The following RAB11FIP4 variants were observed in gnomAD, a reference collection of about 807,000 sequenced individuals.
RAB11FIP4 encodes rab11 family-interacting protein 4.
Under a neutral mutation model 74.3 loss-of-function variants are expected in RAB11FIP4, and 23 were observed. That is an observed-to-expected ratio of 0.31 (90% CI 0.22 to 0.44). The LOEUF (loss-of-function observed/expected upper bound fraction) is 0.44, where lower values mean the gene tolerates loss of function less well. Ranked by LOEUF, RAB11FIP4 falls within the 20% of genes least tolerant of loss-of-function variation. The probability of loss-of-function intolerance (pLI) is 1.00; values close to 1 mark genes in which losing one functional copy is unlikely to be tolerated. For synonymous variants in RAB11FIP4, 360 were observed against 359.9 expected (o/e 1.00, Z 0.00); for missense variants, 630 against 863.9 (o/e 0.73, Z 3.39).
At chr17:31,407,535 C>T (rs747129386) in intron 1 of RAB11FIP4, among the ~76,000 whole-genome samples, 3 of 152,176 alleles carry the variant, frequency 2.0e-5, no homozygotes, top group South Asian at 2.1e-4. Flanking sequence ...ATTAATTCAG[C>T]GATGTCATCT....
chr17:31,447,022 C>T (rs940455317), intron 3 of RAB11FIP4, among the ~76,000 whole-genome samples: 1 of 152,108 alleles, frequency 6.6e-6, no homozygotes, highest in Non-Finnish European at 1.5e-5. Context: ...CCGTGGCTCT[C>T]GCCTGTAATC....
At chr17:31,499,378 A>G (rs2072175683) in intron 3 of RAB11FIP4, among the ~76,000 whole-genome samples, 1 of 151,526 alleles carries the variant, frequency 6.6e-6, no homozygotes, top group African/African-American at 2.4e-5. Flanking sequence ...TTTTTTTTAG[A>G]TAGAGTTTCA....
At chr17:31,473,839 A>G (rs886288226) in intron 3 of RAB11FIP4, among the ~76,000 whole-genome samples, 1 of 152,208 alleles carries the variant, frequency 6.6e-6, no homozygotes, top group Non-Finnish European at 1.5e-5. Flanking sequence ...TCGTCTGCAC[A>G]CTGTGGTATG....
At chr17:31,393,057 G>A (rs749716755) in intron 1 of RAB11FIP4, among the ~76,000 whole-genome samples, 121 of 152,340 alleles carry the variant, frequency 7.9e-4, no homozygotes, top group Non-Finnish European at 1.4e-3. Context: ...GTGCCTCTGC[G>A]TCACCAGAGA....
At chr17:31,491,956 T>C (rs1271691178) in intron 3 of RAB11FIP4, among the ~76,000 whole-genome samples, 1 of 152,184 alleles carries the variant, frequency 6.6e-6, no homozygotes, top group Non-Finnish European at 1.5e-5. Context: ...CAGACTATGC[T>C]GTTGCCACCA....
intron 3 of RAB11FIP4, among the ~76,000 whole-genome samples, chr17:31,454,144 C>T (rs373120064): frequency 4.6e-5 from 7 of 152,288 alleles, no homozygotes; most frequent in East Asian, 1.9e-4. Flanking sequence ...CCACACCTGC[C>T]GAGCCAGAGG....
intron 1 of RAB11FIP4, among the ~76,000 whole-genome samples, chr17:31,394,280 A>C (rs2151611402): frequency 6.6e-6 from 1 of 152,330 alleles, no homozygotes; most frequent in African/African-American, 2.4e-5. Context: ...AGAAAATGAG[A>C]TCATACTGTG....
chr17:31,396,891 G>A (rs2070936563), intron 1 of RAB11FIP4, among the ~76,000 whole-genome samples: 1 of 152,156 alleles, frequency 6.6e-6, no homozygotes, highest in Admixed American at 6.5e-5. Flanking sequence ...CTGCCTGCTT[G>A]GAAATGAAAT....
intron 3 of RAB11FIP4, among the ~76,000 whole-genome samples, chr17:31,473,648 G>A (rs1240322774): frequency 2.6e-5 from 4 of 152,192 alleles, no homozygotes; most frequent in South Asian, 4.1e-4. Flanking sequence ...CGGTCAGCTC[G>A]GCCAGGCTGC....
At chr17:31,496,114 G>A (rs975239581) in intron 3 of RAB11FIP4, among the ~76,000 whole-genome samples, 1 of 152,228 alleles carries the variant, frequency 6.6e-6, no homozygotes, top group Non-Finnish European at 1.5e-5. Context: ...AACCTCTGGG[G>A]AACTTATATA....
intron 3 of RAB11FIP4, among the ~76,000 whole-genome samples, chr17:31,475,900 A>G (rs1323161772): frequency 6.6e-6 from 1 of 152,002 alleles, no homozygotes; most frequent in Non-Finnish European, 1.5e-5. Context: ...TGGAGAAAAT[A>G]ACGACTGAGT....
rs140699601 is a variant in RAB11FIP4 at position 31,525,246 on chromosome 17, G to T, written c.1274+16G>T. ...TCAATGCCAGGTGGGCCCCTCCACC[G>T]AGCCCCCTCCCTCAGAGGGACCCCC... is the stretch of plus-strand genomic sequence containing the variant. On this transcript the variant is annotated intron_variant, in intron 10 of 14. Coordinates refer to ENST00000621161, the MANE Select transcript of RAB11FIP4 (RefSeq NM_032932.6). 19 of 1,537,716 alleles carry T rather than the reference G, an allele frequency of 1.2e-5. No homozygotes were observed. Among genetic ancestry groups the T allele is most frequent in the Non-Finnish European group, 1.7e-5 (19 of 1,141,506 alleles).
intron 3 of RAB11FIP4, among the ~76,000 whole-genome samples, chr17:31,513,070 G>A (rs1449046472): frequency 6.6e-6 from 1 of 152,118 alleles, no homozygotes; most frequent in Non-Finnish European, 1.5e-5. Context: ...TGAGCGGGCA[G>A]CTCTCTGGGC....
rs540057474 is a variant in RAB11FIP4 at position 31,483,454 on chromosome 17, T to C, written c.337-34197T>C. Among the ~76,000 whole-genome samples the C allele has an allele frequency of 2.6e-5, 4 of 152,304 alleles. No homozygotes were observed. In the South Asian group the frequency reaches 8.3e-4, roughly 32 times the overall value. ...GGGGCTCATTCCCCTGTCTGGGAAA[T>C]GGTTATACTATACCAGTGATTTTAA... On this transcript the variant is annotated intron_variant, in intron 3 of 14. Transcript: ENST00000621161.
rs190370327 is a variant in RAB11FIP4, at chr17:31,520,201, G to A, written c.564-965G>A. On this transcript the variant is annotated intron_variant, in intron 4 of 14. Transcript: ENST00000621161. ...TATGATAAGTAATCTAGAGACGATCGAGTATACAGGAGGATATGCATAGGT... is the reference window on the plus strand; with the variant it reads ...TATGATAAGTAATCTAGAGACGATCAAGTATACAGGAGGATATGCATAGGT... 4.1e-3 allele frequency among the ~76,000 whole-genome samples: 625 copies of A among 151,770 alleles called. 10 individuals carry two copies. The highest frequency in any genetic ancestry group is 0.038 in the Admixed American group (583 of 15,232).
intron 3 of RAB11FIP4, among the ~76,000 whole-genome samples, chr17:31,515,210 G>A (rs965643205): frequency 7.9e-5 from 12 of 152,140 alleles, no homozygotes; most frequent in Admixed American, 2.0e-4. Flanking sequence ...TTTCTACTGG[G>A]ATGCAGCTTC....
At position 31,528,781 on chromosome 17, in the gene RAB11FIP4, G is replaced by T; in HGVS notation, c.1653+3G>T. The T allele has an allele frequency of 6.2e-7, 1 of 1,603,368 alleles. No individual in the cohort carries two copies. On this transcript the variant is annotated splice_donor_region_variant and intron_variant, in intron 13 of 14. Transcript: ENST00000621161. ...ACGAGGTCAAGCGGCTCAAGCAGGTGGGTCTAGCAGTCTCTGTGTCCAGTG... is the reference window on the plus strand; with the variant it reads ...ACGAGGTCAAGCGGCTCAAGCAGGTTGGTCTAGCAGTCTCTGTGTCCAGTG...
chr17:31,430,793 C>T (rs2151627411), intron 1 of RAB11FIP4, among the ~76,000 whole-genome samples: 1 of 152,174 alleles, frequency 6.6e-6, no homozygotes, highest in Admixed American at 6.5e-5. Context: ...GGTGGGGCTC[C>T]TGAGAGGTGT....
chr17:31,496,985 A>G (rs1358667894), intron 3 of RAB11FIP4, among the ~76,000 whole-genome samples: 1 of 152,198 alleles, frequency 6.6e-6, no homozygotes, highest in Non-Finnish European at 1.5e-5. Context: ...GTGTATTCTC[A>G]TCTAAATAGT....
Sources: gnomAD v4.1 joint callset for allele counts (sites outside exome capture counted in the v4.1 genomes callset) on GRCh38, gnomAD v4.1.1 for gene constraint, MANE v1.5 for transcripts, NCBI Gene and HGNC (gene_info 2026-07-23, HGNC 2026-07-21) for gene names.